Variants in ANKRD26 observed in about 807,000 individuals in gnomAD.
ANKRD26 encodes ankyrin repeat domain 26.
In ANKRD26, 141 loss-of-function variants were observed where a neutral mutation model predicts 208.7. The ratio of observed to expected loss-of-function variants is 0.68; its 90% CI spans 0.59 to 0.78. ANKRD26 has a LOEUF of 0.78. Ranked by LOEUF, ANKRD26 falls within the 30% of genes least tolerant of loss-of-function variation. The probability of loss-of-function intolerance (pLI) is 0.00; values close to 1 mark genes in which losing one functional copy is unlikely to be tolerated. For synonymous variants in ANKRD26, 636 were observed against 660.4 expected (o/e 0.96, Z 0.57); for missense variants, 1,889 against 1,938.7 (o/e 0.97, Z 0.48).
At chr10:27,030,507 G>A (rs1238318410) in intron 25 of ANKRD26, 4 of 985,266 alleles carry the variant, frequency 4.1e-6, no homozygotes. Flanking sequence ...GCACTCTGGT[G>A]GGCTTAAGGC....
chr10:27,012,650 T>C (rs1369322975), intron 32 of ANKRD26, among the ~76,000 whole-genome samples: 1 of 152,010 alleles, frequency 6.6e-6, no homozygotes, highest in Non-Finnish European at 1.5e-5. Flanking sequence ...CAGTCTCTAC[T>C]AGAAATATAA....
chr10:27,041,909 T>C (rs2054254092), intron 20 of ANKRD26, among the ~76,000 whole-genome samples: 1 of 152,158 alleles, frequency 6.6e-6, no homozygotes, highest in African/African-American at 2.4e-5. Flanking sequence ...ATTATAATTA[T>C]ACCATATATC....
chr10:26,966,808 A>G, the ANKRD26 span, among the ~76,000 whole-genome samples: 2 of 152,306 alleles, frequency 1.3e-5, no homozygotes, highest in East Asian at 3.9e-4. Context: ...CTCATTGCAG[A>G]TCCAGTGGCA....
chr10:27,099,828 G>A (rs544963467), intron 1 of ANKRD26, among the ~76,000 whole-genome samples: 11 of 151,786 alleles, frequency 7.2e-5, no homozygotes, highest in Admixed American at 3.3e-4. Context: ...GCTTTTGTTC[G>A]TTAATTCACT....
At chr10:27,098,370 A>G (rs1418225904) in intron 1 of ANKRD26, among the ~76,000 whole-genome samples, 2 of 152,124 alleles carry the variant, frequency 1.3e-5, no homozygotes, top group African/African-American at 2.4e-5. Context: ...TCCACCAAAA[A>G]AAGAAAAAAA....
chr10:26,953,310 C>T, the ANKRD26 span, among the ~76,000 whole-genome samples: 2 of 152,274 alleles, frequency 1.3e-5, no homozygotes, highest in East Asian at 3.9e-4. Context: ...GTAACCCTAG[C>T]TACTCAGGAG....
intron 29 of ANKRD26, among the ~76,000 whole-genome samples, chr10:27,019,512 C>T (rs999057063): frequency 6.6e-6 from 1 of 152,058 alleles, no homozygotes; most frequent in Admixed American, 6.6e-5. Flanking sequence ...AGATTCTAGT[C>T]CCCCTCTATC....
intron 5 of ANKRD26, among the ~76,000 whole-genome samples, chr10:27,085,672 T>C (rs1288173733): frequency 6.6e-6 from 1 of 152,190 alleles, no homozygotes. Flanking sequence ...CTTTTAAAGA[T>C]AGTTAATTTT....
rs1377002418 is a variant in ANKRD26, at chr10:27,035,188, T to C, written c.3262A>G (p.Arg1088Gly). 5.0e-6 allele frequency: 8 copies of C among 1,614,084 alleles called. No individual in the cohort carries two copies. The South Asian group carries it at 7.7e-5, about 16-fold the overall frequency. Reference sequence around the variant, plus strand: ...CGTTCTAAACCCAAAGTCTTTTCTCTGAGGGCATCTCTCGTGTGATGGAAC... The same window carrying C: ...CGTTCTAAACCCAAAGTCTTTTCTCCGAGGGCATCTCTCGTGTGATGGAAC... ...IEFHHTRDAL[R>G]EKTLGLERVQ... The change falls in exon 24 of 34, where the codon AGA (arginine) becomes GGA (glycine). Residue 1088 changes from arginine (R) to glycine (G), a missense_variant. Transcript: ENST00000376087.
chr10:26,948,059 A>G, the ANKRD26 span, among the ~76,000 whole-genome samples: 50,348 of 152,024 alleles, frequency 0.33, 10,602 homozygotes, highest in Non-Finnish European at 0.47. Context: ...TCCTGCATCA[A>G]ATTCCCAAGT....
At chr10:27,072,759 C>A (rs1248800782) in intron 9 of ANKRD26, among the ~76,000 whole-genome samples, 1 of 152,246 alleles carries the variant, frequency 6.6e-6, no homozygotes, top group East Asian at 1.9e-4. Context: ...CCACTGCCTG[C>A]ATCTTTCTGG....
At chr10:27,031,151 A>G (rs1263212573) in intron 25 of ANKRD26, among the ~76,000 whole-genome samples, 1 of 152,236 alleles carries the variant, frequency 6.6e-6, no homozygotes, top group African/African-American at 2.4e-5. Context: ...GAAGAACAGC[A>G]GGAGTCAAGC....
At chr10:27,091,529 C>T (rs948831284) in intron 4 of ANKRD26, among the ~76,000 whole-genome samples, 11 of 152,050 alleles carry the variant, frequency 7.2e-5, no homozygotes, top group Non-Finnish European at 1.5e-4. Context: ...TCAACAATCA[C>T]CTAGGGATAA....
intron 18 of ANKRD26, among the ~76,000 whole-genome samples, chr10:27,045,066 T>C (rs1461359616): frequency 6.6e-6 from 1 of 152,236 alleles, no homozygotes; most frequent in Non-Finnish European, 1.5e-5. Context: ...ACATTTATTT[T>C]TTCTAAAGAA....
rs2052799477 is a variant in ANKRD26 at position 27,004,393 on chromosome 10, T to TACAAGC, written c.*1191_*1196dup. ...AACCATGAATCCATGGTTTATTTGA[T>TACAAGC]ACAAGCAAATGAATAAATTGAGGGT... On this transcript the variant is annotated 3_prime_UTR_variant, in exon 34 of 34. Transcript: ENST00000376087. 6.6e-6 allele frequency: 1 copy of TACAAGC among 152,116 alleles called. No individual in the cohort carries two copies. Among genetic ancestry groups the TACAAGC allele is most frequent in the Admixed American group, 6.5e-5 (1 of 15,272 alleles). 9.4% of individuals were successfully genotyped at this position (152,116 alleles called of 1,614,324 possible).
the ANKRD26 span, among the ~76,000 whole-genome samples, chr10:26,948,805 T>C: frequency 6.6e-6 from 1 of 152,082 alleles, no homozygotes; most frequent in Admixed American, 6.5e-5. Flanking sequence ...CTGGCCAACA[T>C]GGTGAAACCC....
At chr10:27,012,110 TTAAG>T (rs2053133127) in intron 32 of ANKRD26, among the ~76,000 whole-genome samples, 1 of 152,214 alleles carries the variant, frequency 6.6e-6, no homozygotes, top group Non-Finnish European at 1.5e-5. Flanking sequence ...CCATATGTGG[TTAAG>T]TGTTTGGATG....
At chr10:27,081,885 C>CA (rs2055920285) in intron 6 of ANKRD26, among the ~76,000 whole-genome samples, 1 of 151,566 alleles carries the variant, frequency 6.6e-6, no homozygotes, top group Non-Finnish European at 1.5e-5. Context: ...TATAGGCGTG[C>CA]GCCACCACGC....
At position 27,043,463 on chromosome 10, in the gene ANKRD26, A is replaced by G. The variant is rs1390493956; in HGVS notation, c.2124T>C (p.Phe708=). The G allele has an allele frequency of 1.2e-6, 2 of 1,614,076 alleles. No individual in the cohort carries two copies. The highest frequency in any genetic ancestry group is 8.5e-7 in the Non-Finnish European group (1 of 1,179,968). ...CELPHSSYKN[F]MLLIEQLGME... ...TTCCAAGTTGTTCAATGAGCAACATAAAATTCTTGTAACTAGAGTGGGGTA... is the reference window on the plus strand; with the variant it reads ...TTCCAAGTTGTTCAATGAGCAACATGAAATTCTTGTAACTAGAGTGGGGTA... The change falls in exon 20 of 34, where the codon TTT becomes TTC. Residue 708 remains phenylalanine (F), a synonymous_variant. Transcript: ENST00000376087.
Sources: gnomAD v4.1 joint callset for allele counts (sites outside exome capture counted in the v4.1 genomes callset) on GRCh38, gnomAD v4.1.1 for gene constraint, MANE v1.5 for transcripts, NCBI Gene and HGNC (gene_info 2026-07-23, HGNC 2026-07-21) for gene names.